PRDM16: variants seen among roughly 807,000 people sequenced by gnomAD.
The protein encoded by PRDM16 is histone-lysine N-methyltransferase PRDM16.
A neutral mutation model predicts 110.6 loss-of-function variants in PRDM16; 23 were observed. The ratio of observed to expected loss-of-function variants is 0.21; its 90% CI spans 0.15 to 0.29. PRDM16 has a LOEUF of 0.29. Among genes scored for constraint, PRDM16 ranks in the 10% least tolerant of loss-of-function variants. The probability of loss-of-function intolerance (pLI) is 1.00; values close to 1 mark genes in which losing one functional copy is unlikely to be tolerated. For missense variants in PRDM16, 1,615 were observed against 1,794.3 expected, an observed-to-expected ratio of 0.90 and a Z score of 1.81; for synonymous variants, 799 against 781.8, an observed-to-expected ratio of 1.02 and a Z score of -0.37.
At chr1:3,097,801 G>C (rs74364637) in intron 1 of PRDM16, among the ~76,000 whole-genome samples, 23 of 152,276 alleles carry the variant, frequency 1.5e-4, no homozygotes, top group Admixed American at 1.2e-3. Context: ...GTTTGGCCTC[G>C]TGTAGAGAGA....
In PRDM16 at chr1:3,255,365, G is replaced by A. The variant is rs4648464; in HGVS notation, c.438+11228G>A. Among the ~76,000 whole-genome samples the A allele has an allele frequency of 0.41, 62,508 of 151,996 alleles. 15,507 individuals carry two copies. The highest frequency in any genetic ancestry group is 0.59 in the East Asian group (3,018 of 5,136). On this transcript the variant is annotated intron_variant, in intron 3 of 16. Coordinates refer to ENST00000270722, the MANE Select transcript of PRDM16 (RefSeq NM_022114.4). This position sits in a 1 kb window ranked among gnomAD's most constrained non-coding sequence, Gnocchi z 4.7. ...ACCCCACAGTGGGGTCCTGAGGGTC[G>A]CGTGCAGCACACAGCCTCCCAGACG...
At chr1:3,388,552 G>A (rs917158878) in intron 4 of PRDM16, among the ~76,000 whole-genome samples, 4 of 152,186 alleles carry the variant, frequency 2.6e-5, no homozygotes, top group East Asian at 1.9e-4. Context: ...CAGTGTAAAC[G>A]TCCTAAAAAG....
At chr1:3,150,418 G>T (rs1334052188) in intron 1 of PRDM16, among the ~76,000 whole-genome samples, 3 of 151,404 alleles carry the variant, frequency 2.0e-5, no homozygotes, top group Non-Finnish European at 4.4e-5. Flanking sequence ...AATCAGCTGG[G>T]CGTGGTGGCC....
At chr1:3,191,750 G>A (rs1357288959) in intron 2 of PRDM16, among the ~76,000 whole-genome samples, 1 of 152,176 alleles carries the variant, frequency 6.6e-6, no homozygotes, top group African/African-American at 2.4e-5. Flanking sequence ...ACGATGGAGT[G>A]GGGTGAGGGC....
intron 1 of PRDM16, among the ~76,000 whole-genome samples, chr1:3,165,610 T>A (rs1298045741): frequency 6.2e-5 from 7 of 112,458 alleles, no homozygotes; most frequent in Admixed American, 8.8e-5. Context: ...GGGACTCACC[T>A]GGGCTCAGGG....
intron 1 of PRDM16, among the ~76,000 whole-genome samples, chr1:3,131,744 C>T (rs1366754657): frequency 2.0e-5 from 3 of 152,156 alleles, no homozygotes; most frequent in African/African-American, 7.2e-5. Flanking sequence ...TGGTGCAGGC[C>T]GCAGCTCCAG....
intron 12 of PRDM16, among the ~76,000 whole-genome samples, chr1:3,421,920 A>ATAGG (rs1246175850): frequency 3.7e-5 from 2 of 53,416 alleles, no homozygotes; most frequent in Non-Finnish European, 1.2e-4. Context: ...AGACAGGAAG[A>ATAGG]CAGACAGGCA....
intron 1 of PRDM16, among the ~76,000 whole-genome samples, chr1:3,130,588 C>G (rs1045775177): frequency 4.6e-5 from 7 of 152,194 alleles, no homozygotes; most frequent in Non-Finnish European, 7.3e-5. Flanking sequence ...TGCTGGACTT[C>G]AGGGGAGGGC....
chr1:3,212,614 G>C (rs140011210), intron 2 of PRDM16, among the ~76,000 whole-genome samples: 1,749 of 138,118 alleles, frequency 0.013, 43 homozygotes, highest in African/African-American at 0.035. Context: ...CGGCCCCCTC[G>C]CTGAGGTCCT....
intron 1 of PRDM16, among the ~76,000 whole-genome samples, chr1:3,134,010 A>T (rs1420420291): frequency 6.6e-6 from 1 of 152,210 alleles, no homozygotes; most frequent in Non-Finnish European, 1.5e-5. Flanking sequence ...ACTGCAAAGC[A>T]CTGGGGAAAA....
At chr1:3,320,639 T>C (rs1309215054) in intron 3 of PRDM16, among the ~76,000 whole-genome samples, 1 of 152,196 alleles carries the variant, frequency 6.6e-6, no homozygotes, top group Admixed American at 6.5e-5. Flanking sequence ...TAAGGAAAAC[T>C]CTCACGCTGT....
chr1:3,435,832 G>T lies in PRDM16; in HGVS notation c.*2021G>T, dbSNP rs1431951250. ...TGCCACGGGGAGGCTCCTGCAGGAGGCTCAACCCGACGGATCACAGTGAAA... is the reference window on the plus strand; with the variant it reads ...TGCCACGGGGAGGCTCCTGCAGGAGTCTCAACCCGACGGATCACAGTGAAA... On this transcript the variant is annotated 3_prime_UTR_variant, in exon 17 of 17. Transcript: ENST00000270722. 2 of 232,040 alleles carry T rather than the reference G, an allele frequency of 8.6e-6. No individual in the cohort carries two copies. The highest frequency in any genetic ancestry group is 1.7e-5 in the Non-Finnish European group (2 of 117,308). The allele number at this position is 232,040 out of a possible 1,614,324, so 14.4% of individuals were successfully genotyped here.
chr1:3,256,347 C>T (rs1003452161), intron 3 of PRDM16, among the ~76,000 whole-genome samples: 32 of 152,158 alleles, frequency 2.1e-4, no homozygotes, highest in African/African-American at 7.2e-4. Context: ...GGTGGGTCCA[C>T]GCCCCATTCT....
rs771349507 is a variant in PRDM16 at position 3,404,744 on chromosome 1, A to T, written c.890A>T (p.Glu297Val). The change falls in exon 7 of 17, where the codon GAG (glutamate) becomes GTG (valine). Residue 297 changes from glutamate (E) to valine (V), a missense_variant. Glu to Val is a moderately radical substitution (Grantham distance 121). Around this residue, in one of 5 missense-constraint regions of PRDM16, gnomAD observed 416 missense variants for 467.1 expected, o/e 0.89. Transcript: ENST00000270722. The stretch of plus-strand genomic sequence containing the variant: ...GAGCCTCGTCCTCTGCGCAGCCTGG[A>T]GCAGCACATGGTCATCCACACGGAG... Reference protein sequence around the residue: ...ERMFPNKYSLEQHMVIHTEER... With the variant: ...ERMFPNKYSLVQHMVIHTEER... 2 of 1,613,216 alleles carry T rather than the reference A, an allele frequency of 1.2e-6. No individual in the cohort carries two copies. Among genetic ancestry groups the T allele is most frequent in the Admixed American group, 3.3e-5 (2 of 59,966 alleles).
At chr1:3,072,095 G>A (rs1214312165) in intron 1 of PRDM16, among the ~76,000 whole-genome samples, 1 of 152,132 alleles carries the variant, frequency 6.6e-6, no homozygotes, top group Non-Finnish European at 1.5e-5. Flanking sequence ...GAGCCTGGGG[G>A]CCAGGAACAG....
intron 2 of PRDM16, among the ~76,000 whole-genome samples, chr1:3,222,964 C>T (rs75754239): frequency 0.043 from 6,565 of 152,122 alleles, 438 homozygotes; most frequent in African/African-American, 0.14. Flanking sequence ...GCATTTGGAT[C>T]GGTCAAGACA....
At chr1:3,138,444 G>A (rs919086599) in intron 1 of PRDM16, among the ~76,000 whole-genome samples, 4 of 152,234 alleles carry the variant, frequency 2.6e-5, no homozygotes, top group Non-Finnish European at 2.9e-5. Context: ...CCCCGGAGCC[G>A]GCGTTGGGGT....
intron 3 of PRDM16, among the ~76,000 whole-genome samples, chr1:3,372,841 G>T (rs1642928367): frequency 6.6e-6 from 1 of 152,224 alleles, no homozygotes; most frequent in African/African-American, 2.4e-5. Context: ...CTGAGTCAGG[G>T]CCACGGACGG....
At chr1:3,076,228 G>A (rs919268063) in intron 1 of PRDM16, among the ~76,000 whole-genome samples, 1 of 152,196 alleles carries the variant, frequency 6.6e-6, no homozygotes, top group African/African-American at 2.4e-5. Context: ...GTCCAGGTGT[G>A]CGTGTGTGTT....
Sources: allele counts gnomAD v4.1 joint callset (sites outside exome capture counted in the v4.1 genomes callset), GRCh38; gene constraint gnomAD v4.1.1; regional missense constraint gnomAD v4.1.1; non-coding constraint Gnocchi (gnomAD v3.1); transcripts MANE v1.5; gene names NCBI Gene and HGNC (gene_info 2026-07-23, HGNC 2026-07-21).